The following PPP2R2C variants were observed in gnomAD, a reference collection of about 807,000 sequenced individuals.
PPP2R2C encodes the protein protein phosphatase 2 regulatory subunit Bgamma.
Under a neutral mutation model 45.3 loss-of-function variants are expected in PPP2R2C, and 10 were observed. The ratio of observed to expected loss-of-function variants is 0.22; its 90% CI spans 0.14 to 0.37. The LOEUF (loss-of-function observed/expected upper bound fraction) is 0.37, where lower values mean the gene tolerates loss of function less well. Ranked by LOEUF, PPP2R2C falls within the 10% of genes least tolerant of loss-of-function variation. The pLI is 1.00. For missense variants in PPP2R2C, 308 were observed against 619.7 expected (o/e 0.50, Z 5.34); for synonymous variants, 257 against 245.4 (o/e 1.05, Z -0.44).
Position 6,406,335 on chromosome 4 carries a change from G to A in PPP2R2C, c.71-25241C>T, listed in dbSNP as rs150664453. Among the ~76,000 whole-genome samples, 10 of 152,336 alleles carry A rather than the reference G, an allele frequency of 6.6e-5. No homozygotes were observed. In the East Asian group the frequency reaches 1.9e-3, roughly 29 times the overall value. Reference sequence around the variant, plus strand: ...CCACTATCATTTTAAGAATTTCAAAGCTTAGAAAAATAAAGTGCTGATTTG... The same window carrying A: ...CCACTATCATTTTAAGAATTTCAAAACTTAGAAAAATAAAGTGCTGATTTG... On this transcript the variant is annotated intron_variant, in intron 1 of 8. Transcript: ENST00000382599.
chr4:6,352,073 C>T (rs1344445612), intron 5 of PPP2R2C, among the ~76,000 whole-genome samples: 3 of 152,190 alleles, frequency 2.0e-5, no homozygotes, highest in African/African-American at 7.2e-5. Context: ...AACTCAGCTA[C>T]CGTGAACACA....
At chr4:6,506,911 C>T (rs1159964845) in intron 2 of PPP2R2C, among the ~76,000 whole-genome samples, 1 of 152,232 alleles carries the variant, frequency 6.6e-6, no homozygotes, top group African/African-American at 2.4e-5. Flanking sequence ...ATTCTCACAC[C>T]ATGACTGCTG....
intron 1 of PPP2R2C, among the ~76,000 whole-genome samples, chr4:6,424,898 C>T (rs959643596): frequency 3.3e-5 from 5 of 152,182 alleles, no homozygotes; most frequent in South Asian, 2.1e-4. Context: ...ATCCCAATGC[C>T]GCCACTGCCC....
At chr4:6,486,285 C>T (rs959526857) in intron 2 of PPP2R2C, among the ~76,000 whole-genome samples, 23 of 151,950 alleles carry the variant, frequency 1.5e-4, no homozygotes, top group Admixed American at 5.9e-4. Flanking sequence ...AGACTTGTTT[C>T]GTGGCCAGAA....
intron 1 of PPP2R2C, among the ~76,000 whole-genome samples, chr4:6,407,631 C>A (rs1437942562): frequency 6.6e-6 from 1 of 152,162 alleles, no homozygotes. Flanking sequence ...AAACTCCTGA[C>A]CTCAAGTGAT....
chr4:6,358,111 C>T (rs999578391), intron 5 of PPP2R2C, among the ~76,000 whole-genome samples: 1 of 152,158 alleles, frequency 6.6e-6, no homozygotes, highest in African/African-American at 2.4e-5. Flanking sequence ...GTAACCAAAA[C>T]AGCATGGTAC....
intron 1 of PPP2R2C, among the ~76,000 whole-genome samples, chr4:6,437,656 C>G (rs6847241): frequency 0.03 from 4,537 of 152,308 alleles, 234 homozygotes; most frequent in African/African-American, 0.1. Flanking sequence ...CGAATATGCT[C>G]AGGGACTCAG....
At chr4:6,548,054 T>A (rs1294128832) in intron 1 of PPP2R2C, among the ~76,000 whole-genome samples, 1 of 151,764 alleles carries the variant, frequency 6.6e-6, no homozygotes, top group Admixed American at 6.6e-5. Context: ...CCCATCTCTA[T>A]TAAAAATACA....
chr4:6,349,942 A>G, intron 5 of PPP2R2C: 2 of 985,404 alleles, frequency 2.0e-6, no homozygotes, highest in Non-Finnish European at 2.4e-6. Flanking sequence ...GAGGGTTTAT[A>G]AAATGCCAGG....
chr4:6,457,406 C>G (rs1560562519), intron 1 of PPP2R2C, among the ~76,000 whole-genome samples: 1 of 152,040 alleles, frequency 6.6e-6, no homozygotes, highest in Non-Finnish European at 1.5e-5. Flanking sequence ...GGGTCTGGCT[C>G]TGTCACCCAG....
intron 1 of PPP2R2C, among the ~76,000 whole-genome samples, chr4:6,455,790 G>A (rs555249336): frequency 6.6e-5 from 10 of 152,198 alleles, no homozygotes; most frequent in East Asian, 5.8e-4. Context: ...ACACCACGCC[G>A]TGCTGTGCCC....
chr4:6,499,620 T>C (rs1458535224), intron 2 of PPP2R2C, among the ~76,000 whole-genome samples: 1 of 152,160 alleles, frequency 6.6e-6, no homozygotes, highest in Non-Finnish European at 1.5e-5. Context: ...ATGGGTCATC[T>C]AGGGTTTTAT....
rs528220742 is a variant in PPP2R2C at position 6,440,734 on chromosome 4, G to A, written c.70+31426C>T. On this transcript the variant is annotated intron_variant, in intron 1 of 8. Coordinates refer to ENST00000382599, the MANE Select transcript of PPP2R2C (RefSeq NM_020416.4). ...CCTCCTGGCATAGCTGATGGACGCC[G>A]CCTGAGTCTGTATCTCACCATGTTT... Among the ~76,000 whole-genome samples the A allele has an allele frequency of 6.3e-4, 96 of 152,270 alleles. No homozygotes were observed. In the Middle Eastern group the frequency reaches 0.017, roughly 27 times the overall value.
At chr4:6,534,911 G>GC (rs1560608145) in intron 2 of PPP2R2C, among the ~76,000 whole-genome samples, 1 of 152,248 alleles carries the variant, frequency 6.6e-6, no homozygotes, top group Admixed American at 6.5e-5. Context: ...CCCAGTGCTG[G>GC]CCACAGCGGG....
chr4:6,503,601 A>G (rs1289881516), intron 2 of PPP2R2C, among the ~76,000 whole-genome samples: 1 of 152,178 alleles, frequency 6.6e-6, no homozygotes, highest in Non-Finnish European at 1.5e-5. Flanking sequence ...TAAATAACCA[A>G]TTTGACAGTT....
chr4:6,479,633 T>C (rs567541683), intron 2 of PPP2R2C, among the ~76,000 whole-genome samples: 3 of 152,304 alleles, frequency 2.0e-5, no homozygotes, highest in Non-Finnish European at 4.4e-5. Flanking sequence ...ATAAAAGTTA[T>C]GGTCCTGAGT....
intron 1 of PPP2R2C, among the ~76,000 whole-genome samples, chr4:6,395,033 T>C (rs2109339341): frequency 6.6e-6 from 1 of 152,162 alleles, no homozygotes; most frequent in South Asian, 2.1e-4. Context: ...CTGGCCATGG[T>C]CACCTCTCAC....
Position 6,378,376 on chromosome 4 carries a change from C to A in PPP2R2C, c.334+31G>T, listed in dbSNP as rs928253491. On this transcript the variant is annotated intron_variant, in intron 3 of 8. Coordinates refer to ENST00000382599, the MANE Select transcript of PPP2R2C (RefSeq NM_020416.4). This position sits in a 1 kb window ranked among gnomAD's most constrained non-coding sequence, Gnocchi z 5.2. ...TTGGTAGAAACATCTACGGCCTGTG[C>A]CCATGCAAGCGAGGCCGGGCAGCGC... 14 of 1,613,592 alleles carry A rather than the reference C, an allele frequency of 8.7e-6. No individual in the cohort carries two copies. The highest frequency in any genetic ancestry group is 1.1e-5 in the Non-Finnish European group (13 of 1,179,964).
chr4:6,517,654 T>A (rs1723866585), intron 2 of PPP2R2C, among the ~76,000 whole-genome samples: 1 of 152,214 alleles, frequency 6.6e-6, no homozygotes, highest in Non-Finnish European at 1.5e-5. Flanking sequence ...CTCTTTGGGA[T>A]GTCTTCCTAC....
Sources: gnomAD v4.1 joint callset for allele counts (sites outside exome capture counted in the v4.1 genomes callset) on GRCh38, gnomAD v4.1.1 for gene constraint, Gnocchi (gnomAD v3.1) non-coding constraint, MANE v1.5 for transcripts, NCBI Gene and HGNC (gene_info 2026-07-23, HGNC 2026-07-21) for gene names.